Variants in DLGAP2 observed in about 807,000 individuals in gnomAD.
The protein encoded by DLGAP2 is DLG associated protein 2.
In DLGAP2, 26 loss-of-function variants were observed where a neutral mutation model predicts 100.3. The observed-to-expected ratio is 0.26, with a 90% CI of 0.19 to 0.36. The LOEUF is 0.36. Among genes scored for constraint, DLGAP2 ranks in the 10% least tolerant of loss-of-function variants. The pLI, the probability that DLGAP2 is intolerant of heterozygous loss-of-function variation, is 1.00. For missense variants in DLGAP2, 1,858 were observed against 1,453.2 expected, an observed-to-expected ratio of 1.28 and a Z score of -4.53; for synonymous variants, 886 against 630.1, an observed-to-expected ratio of 1.41 and a Z score of -6.08.
At chr8:1,541,403 G>T (rs900148367) in intron 4 of DLGAP2, among the ~76,000 whole-genome samples, 27 of 152,098 alleles carry the variant, frequency 1.8e-4, no homozygotes, top group African/African-American at 6.5e-4. Flanking sequence ...CCTGGTAGCT[G>T]CTGATATTTA....
chr8:1,200,882 G>C (rs1435641956), intron 2 of DLGAP2, among the ~76,000 whole-genome samples: 1 of 152,242 alleles, frequency 6.6e-6, no homozygotes, highest in Non-Finnish European at 1.5e-5. Context: ...GTCCGCTGCT[G>C]GCTCCCGTGC....
intron 2 of DLGAP2, among the ~76,000 whole-genome samples, chr8:1,043,343 G>T (rs949817520): frequency 2.0e-5 from 3 of 148,478 alleles, no homozygotes; most frequent in Admixed American, 6.7e-5. Flanking sequence ...GTGGGTGGTG[G>T]GTGTGGGTGG....
At chr8:1,379,881 G>A (rs566043823) in intron 3 of DLGAP2, among the ~76,000 whole-genome samples, 11 of 83,444 alleles carry the variant, frequency 1.3e-4, no homozygotes, top group Non-Finnish European at 3.3e-4. Flanking sequence ...GATTTGGGGT[G>A]CCTTCCCTTC....
intron 6 of DLGAP2, among the ~76,000 whole-genome samples, chr8:1,606,405 C>A (rs1340864559): frequency 6.6e-6 from 1 of 152,118 alleles, no homozygotes; most frequent in African/African-American, 2.4e-5. Context: ...CCGTCACTCC[C>A]CACTTCCCCT....
At chr8:1,509,180 T>C (rs1480938590) in intron 4 of DLGAP2, among the ~76,000 whole-genome samples, 1 of 151,568 alleles carries the variant, frequency 6.6e-6, no homozygotes, top group Non-Finnish European at 1.5e-5. Context: ...AAATACAAAA[T>C]ATTAGCCGGG....
chr8:777,772 C>A (rs556238264), intron 1 of DLGAP2, among the ~76,000 whole-genome samples: 1 of 152,258 alleles, frequency 6.6e-6, no homozygotes, highest in Admixed American at 6.5e-5. Context: ...TTCTCTCTGG[C>A]TGCCCTTAAC....
intron 3 of DLGAP2, among the ~76,000 whole-genome samples, chr8:1,350,755 G>A (rs1801699731): frequency 1.3e-5 from 1 of 74,442 alleles, no homozygotes; most frequent in African/African-American, 4.8e-5. Flanking sequence ...TGGAAAGGCC[G>A]CGCGGGTCCT....
chr8:746,807 C>A (rs140326533), intron 1 of DLGAP2, among the ~76,000 whole-genome samples: 146 of 152,364 alleles, frequency 9.6e-4, no homozygotes, highest in African/African-American at 3.4e-3. Flanking sequence ...CAACCAGGTT[C>A]CCTCTGTCTG....
intron 6 of DLGAP2, among the ~76,000 whole-genome samples, chr8:1,575,112 G>A (rs983373732): frequency 6.6e-6 from 1 of 152,146 alleles, no homozygotes; most frequent in Non-Finnish European, 1.5e-5. Flanking sequence ...AGACGACAGA[G>A]TTTCTTCCTC....
At chr8:819,067 A>C (rs1472438053) in intron 1 of DLGAP2, among the ~76,000 whole-genome samples, 1 of 152,228 alleles carries the variant, frequency 6.6e-6, no homozygotes, top group African/African-American at 2.4e-5. Flanking sequence ...AGTCTCATTT[A>C]ATGACTGAAT....
At chr8:1,180,396 G>A (rs2116700358) in intron 2 of DLGAP2, among the ~76,000 whole-genome samples, 1 of 152,252 alleles carries the variant, frequency 6.6e-6, no homozygotes, top group Admixed American at 6.5e-5. Flanking sequence ...TTTGAGAAGG[G>A]GCCTCACAAT....
At chr8:1,548,262 C>G (rs1422051201) in intron 4 of DLGAP2, among the ~76,000 whole-genome samples, 3 of 151,918 alleles carry the variant, frequency 2.0e-5, no homozygotes, top group Non-Finnish European at 4.4e-5. Flanking sequence ...GAGTTTGAAA[C>G]TAGCCTGACC....
intron 3 of DLGAP2, among the ~76,000 whole-genome samples, chr8:1,278,414 G>T (rs1469427105): frequency 1.3e-5 from 2 of 152,100 alleles, no homozygotes; most frequent in African/African-American, 2.4e-5. Context: ...TACTTTACCT[G>T]TTGTTGGTTG....
intron 3 of DLGAP2, among the ~76,000 whole-genome samples, chr8:1,304,476 T>C (rs775044127): frequency 1.3e-5 from 2 of 152,190 alleles, no homozygotes; most frequent in Admixed American, 1.3e-4. Context: ...TTAAACACTT[T>C]CAGCAAAAGC....
At chr8:1,536,274 A>C (rs1801151202) in intron 4 of DLGAP2, among the ~76,000 whole-genome samples, 1 of 152,192 alleles carries the variant, frequency 6.6e-6, no homozygotes, top group African/African-American at 2.4e-5. Context: ...GTCATCTGCC[A>C]GTCATGGGTA....
At chr8:1,622,443 C>T (rs1218039892) in intron 6 of DLGAP2, 2 of 152,152 alleles carry the variant, frequency 1.3e-5, no homozygotes, top group Non-Finnish European at 2.9e-5. Context: ...GAGGCCCTTT[C>T]AGGGGTACCC....
intron 1 of DLGAP2, among the ~76,000 whole-genome samples, chr8:741,297 C>A (rs1252950815): frequency 6.6e-6 from 1 of 152,208 alleles, no homozygotes; most frequent in African/African-American, 2.4e-5. Flanking sequence ...GCCACCTTTC[C>A]CTTCCAAGGC....
chr8:1,593,939 C>G (rs1371316429), intron 6 of DLGAP2, among the ~76,000 whole-genome samples: 2 of 152,244 alleles, frequency 1.3e-5, no homozygotes, highest in Non-Finnish European at 2.9e-5. Flanking sequence ...CATCTACCTT[C>G]CAAGCCTTCC....
intron 1 of DLGAP2, among the ~76,000 whole-genome samples, chr8:805,409 C>T (rs1796249335): frequency 1.3e-5 from 2 of 152,114 alleles, no homozygotes. Flanking sequence ...GGTGCTTCCT[C>T]ATCTTTGGGG....
Sources: allele counts gnomAD v4.1 joint callset (sites outside exome capture counted in the v4.1 genomes callset), GRCh38; gene constraint gnomAD v4.1.1; transcripts MANE v1.5; gene names NCBI Gene and HGNC (gene_info 2026-07-23, HGNC 2026-07-21).